The following NKAIN2 variants were observed in gnomAD, a reference collection of about 807,000 sequenced individuals.
NKAIN2 encodes the protein sodium/potassium-transporting ATPase subunit beta-1-interacting protein 2.
Under a neutral mutation model 32.6 loss-of-function variants are expected in NKAIN2, and 14 were observed. The ratio of observed to expected loss-of-function variants is 0.43; its 90% CI spans 0.28 to 0.67. The LOEUF (loss-of-function observed/expected upper bound fraction) is 0.67, where lower values mean the gene tolerates loss of function less well. Among genes scored for constraint, NKAIN2 ranks in the 30% least tolerant of loss-of-function variants. The pLI is 0.17. For missense variants in NKAIN2, 198 were observed against 258.3 expected (o/e 0.77, Z 1.60); for synonymous variants, 80 against 87.2 (o/e 0.92, Z 0.46).
At chr6:124,663,625 G>A (rs1022000366) in intron 4 of NKAIN2, among the ~76,000 whole-genome samples, 1 of 152,092 alleles carries the variant, frequency 6.6e-6, no homozygotes, top group Non-Finnish European at 1.5e-5. Flanking sequence ...ACATCAGTTT[G>A]AACTAGGTGA....
intron 3 of NKAIN2, among the ~76,000 whole-genome samples, chr6:124,516,454 C>A (rs141758023): frequency 1.3e-5 from 2 of 152,088 alleles, no homozygotes; most frequent in Admixed American, 1.3e-4. Flanking sequence ...CTACTTTCAT[C>A]TTTCAGCCTG....
intron 2 of NKAIN2, among the ~76,000 whole-genome samples, chr6:124,327,916 A>G (rs998308095): frequency 2.6e-5 from 4 of 152,210 alleles, no homozygotes; most frequent in African/African-American, 7.2e-5. Context: ...ATGGTTTTCC[A>G]TATTCTCTTT....
intron 1 of NKAIN2, among the ~76,000 whole-genome samples, chr6:124,215,223 C>T (rs1791405872): frequency 6.6e-6 from 1 of 151,904 alleles, no homozygotes; most frequent in South Asian, 2.1e-4. Context: ...GAAAAATAAA[C>T]CAAAATAAAT....
chr6:124,080,201 C>T (rs533822480), intron 1 of NKAIN2, among the ~76,000 whole-genome samples: 5 of 152,184 alleles, frequency 3.3e-5, no homozygotes, highest in African/African-American at 1.2e-4. Context: ...TATATTTTCC[C>T]ATCTCTCCTT....
At chr6:124,214,925 A>G (rs1791389395) in intron 1 of NKAIN2, among the ~76,000 whole-genome samples, 1 of 152,178 alleles carries the variant, frequency 6.6e-6, no homozygotes, top group African/African-American at 2.4e-5. Context: ...TTCTCTCAGA[A>G]GTATTATAGG....
chr6:124,524,605 G>T (rs904759021), intron 3 of NKAIN2, among the ~76,000 whole-genome samples: 4 of 152,046 alleles, frequency 2.6e-5, no homozygotes, highest in African/African-American at 9.7e-5. Context: ...AAAAAGTAGG[G>T]CATATGTTGT....
At chr6:124,330,862 C>A (rs73770410) in intron 2 of NKAIN2, among the ~76,000 whole-genome samples, 2,261 of 152,202 alleles carry the variant, frequency 0.015, 64 homozygotes, top group East Asian at 0.11. Context: ...CTCACAGGAG[C>A]GCCAACCCTA....
At chr6:124,349,297 C>G (rs569205599) in intron 2 of NKAIN2, among the ~76,000 whole-genome samples, 46 of 152,152 alleles carry the variant, frequency 3.0e-4, no homozygotes, top group African/African-American at 9.2e-4. Flanking sequence ...CCTGCTCCCC[C>G]CTACAAAGGC....
At chr6:124,710,436 A>G (rs1452038954) in intron 4 of NKAIN2, among the ~76,000 whole-genome samples, 1 of 150,692 alleles carries the variant, frequency 6.6e-6, no homozygotes, top group East Asian at 2.0e-4. Flanking sequence ...GGGGTGTTAA[A>G]GTCTCCCATT....
chr6:124,477,723 CT>C (rs1206621046), intron 3 of NKAIN2, among the ~76,000 whole-genome samples: 4 of 66,054 alleles, frequency 6.1e-5, no homozygotes, highest in East Asian at 7.4e-4. Context: ...ACTCTTCCCC[CT>C]TCCCCCTCCC....
intron 1 of NKAIN2, among the ~76,000 whole-genome samples, chr6:124,136,237 A>G (rs1786777912): frequency 2.0e-5 from 3 of 152,176 alleles, no homozygotes; most frequent in Non-Finnish European, 4.4e-5. Context: ...CAAGGCTACT[A>G]TGAATACCTT....
chr6:124,225,010 C>T (rs1374225992), intron 1 of NKAIN2, among the ~76,000 whole-genome samples: 2 of 151,942 alleles, frequency 1.3e-5, no homozygotes, highest in Non-Finnish European at 2.9e-5. Flanking sequence ...ACTTGCCCTC[C>T]AGGTTAAGAT....
chr6:124,756,614 C>T (rs1777979477), intron 4 of NKAIN2, among the ~76,000 whole-genome samples: 2 of 151,440 alleles, frequency 1.3e-5, no homozygotes, highest in African/African-American at 2.4e-5. Context: ...GGTGACATAG[C>T]AAGATCCCAT....
intron 4 of NKAIN2, among the ~76,000 whole-genome samples, chr6:124,765,600 A>C (rs1459337462): frequency 6.6e-6 from 1 of 152,146 alleles, no homozygotes; most frequent in African/African-American, 2.4e-5. Flanking sequence ...CACTCCTCTT[A>C]AGTTGTTTTT....
At chr6:123,927,944 A>G (rs1260532316) in intron 1 of NKAIN2, among the ~76,000 whole-genome samples, 2 of 152,128 alleles carry the variant, frequency 1.3e-5, no homozygotes, top group South Asian at 2.1e-4. Flanking sequence ...GTACTCATTG[A>G]TTATTAATAA....
intron 1 of NKAIN2, among the ~76,000 whole-genome samples, chr6:124,233,139 G>A (rs1196657885): frequency 6.6e-6 from 1 of 151,392 alleles, no homozygotes; most frequent in Non-Finnish European, 1.5e-5. Context: ...TCAAAATTTT[G>A]TATTATATAT....
chr6:123,849,703 G>A (rs1253396811), intron 1 of NKAIN2, among the ~76,000 whole-genome samples: 3 of 152,112 alleles, frequency 2.0e-5, no homozygotes, highest in Non-Finnish European at 4.4e-5. Context: ...AGCTGGTAAG[G>A]GGAGACAAGG....
Position 124,129,715 on chromosome 6 carries a change from T to C in NKAIN2, c.55-153290T>C, listed in dbSNP as rs1786358572. Among the ~76,000 whole-genome samples the C allele has an allele frequency of 3.9e-5, 6 of 152,140 alleles. No homozygotes were observed. The South Asian group carries it at 1.2e-3, about 32-fold the overall frequency. On this transcript the variant is annotated intron_variant, in intron 1 of 6. Coordinates refer to ENST00000368417, the MANE Select transcript of NKAIN2 (RefSeq NM_001040214.3). Reference sequence around the variant, plus strand: ...TCACTGCACCCTCTGCCTCCTGGGTTCAAGAGATTCTCCTGCCTCAGCCTG... The same window carrying C: ...TCACTGCACCCTCTGCCTCCTGGGTCCAAGAGATTCTCCTGCCTCAGCCTG...
chr6:124,409,443 T>C (rs1401080340), intron 3 of NKAIN2, among the ~76,000 whole-genome samples: 1 of 152,174 alleles, frequency 6.6e-6, no homozygotes, highest in Admixed American at 6.5e-5. Context: ...CTGCATCTAT[T>C]GAGATAATCA....
Sources: gnomAD v4.1 joint callset for allele counts (sites outside exome capture counted in the v4.1 genomes callset) on GRCh38, gnomAD v4.1.1 for gene constraint, MANE v1.5 for transcripts, NCBI Gene and HGNC (gene_info 2026-07-23, HGNC 2026-07-21) for gene names.